The following BPHL variants were observed in gnomAD, a reference collection of about 807,000 sequenced individuals.
BPHL encodes serine hydrolase BPHL.
BPHL carries 27 observed loss-of-function variants against 31.2 expected under a neutral mutation model. The ratio of observed to expected loss-of-function variants is 0.87; its 90% CI spans 0.64 to 1.19. BPHL has a LOEUF of 1.19. Among genes scored for constraint, BPHL ranks in the 50% most tolerant of loss-of-function variants. The pLI is 0.00. For synonymous variants in BPHL, 150 were observed against 146.8 expected (o/e 1.02, Z -0.16); for missense variants, 356 against 375.7 (o/e 0.95, Z 0.43).
intron 1 of BPHL, among the ~76,000 whole-genome samples, chr6:3,120,081 C>T (rs988292131): frequency 2.0e-5 from 3 of 151,986 alleles, no homozygotes; most frequent in African/African-American, 7.3e-5. Context: ...TTTGCCCATG[C>T]TGGAGTGCAG....
rs867545712 is a variant in BPHL at position 3,145,297 on chromosome 6, G to A, written c.788+4788G>A. 5.0e-5 allele frequency among the ~76,000 whole-genome samples: 2 copies of A among 39,638 alleles called. 1 individual carries two copies. The allele number at this position is 39,638 out of a possible 152,430, so 26.0% of individuals were successfully genotyped here. A position where few individuals can be genotyped will look rare whatever the true frequency, so the allele number is the denominator to read the frequency against. On this transcript the variant is annotated intron_variant, in intron 6 of 6. Coordinates refer to ENST00000380379, the MANE Select transcript of BPHL (RefSeq NM_004332.4). ...GGTTGGAGTGCTGGTTCGGGTCCGAGTGCTGGTTCGGGGTGGAGTGCTGGT... is the reference window on the plus strand; with the variant it reads ...GGTTGGAGTGCTGGTTCGGGTCCGAATGCTGGTTCGGGGTGGAGTGCTGGT...
chr6:3,146,735 T>C (rs1196105308), intron 6 of BPHL, among the ~76,000 whole-genome samples: 1 of 142,860 alleles, frequency 7.0e-6, no homozygotes. Context: ...TGAGTGCTGG[T>C]TTGGGTCGGA....
intron 1 of BPHL, among the ~76,000 whole-genome samples, chr6:3,123,066 G>A (rs1240564781): frequency 6.6e-6 from 1 of 152,262 alleles, no homozygotes; most frequent in East Asian, 1.9e-4. Context: ...AGCCTCTGTG[G>A]CCATTGATTG....
chr6:3,137,436 G>T lies in BPHL; in HGVS notation c.607G>T (p.Ala203Ser). 1 of 1,613,170 alleles carries T rather than the reference G, an allele frequency of 6.2e-7. No homozygotes were observed. Among genetic ancestry groups the T allele is most frequent in the Non-Finnish European group, 8.5e-7 (1 of 1,179,894 alleles). Reference sequence around the variant, plus strand: ...AGCCCTCTATGGGTATGACTACTTTGCCAGAACCTGTGAAAAGTGGGTGGA... The same window carrying T: ...AGCCCTCTATGGGTATGACTACTTTTCCAGAACCTGTGAAAAGTGGGTGGA... The part of the protein sequence containing the change: ...LEALYGYDYF[A>S]RTCEKWVDGI... Residue 203 changes from alanine (A) to serine (S), a missense_variant, in exon 5 of 7, where the codon GCC becomes TCC. Ala to Ser is a moderately conservative substitution (Grantham distance 99). Coordinates refer to ENST00000380379, the MANE Select transcript of BPHL (RefSeq NM_004332.4).
chr6:3,134,671 C>T (rs574632722), intron 4 of BPHL, among the ~76,000 whole-genome samples: 5 of 148,698 alleles, frequency 3.4e-5, no homozygotes, highest in East Asian at 2.0e-4. Context: ...GGCGTGATCT[C>T]GGCTCACTGC....
At chr6:3,131,194 A>G (rs1347125439) in intron 4 of BPHL, among the ~76,000 whole-genome samples, 1 of 151,996 alleles carries the variant, frequency 6.6e-6, no homozygotes, top group Non-Finnish European at 1.5e-5. Flanking sequence ...CCCTGCTTCT[A>G]GGGATCCTCC....
chr6:3,143,869 C>T (rs1272034681), intron 6 of BPHL, among the ~76,000 whole-genome samples: 2 of 151,766 alleles, frequency 1.3e-5, no homozygotes, highest in Non-Finnish European at 3.0e-5. Flanking sequence ...GTTTCAGACT[C>T]GACTGCAAAC....
intron 4 of BPHL, among the ~76,000 whole-genome samples, chr6:3,130,988 C>T (rs182937147): frequency 1.3e-5 from 2 of 152,174 alleles, no homozygotes; most frequent in African/African-American, 4.8e-5. Flanking sequence ...TGTCCCCTCC[C>T]GCGGCCTCTA....
chr6:3,133,100 AG>A (rs1440895814), intron 4 of BPHL, among the ~76,000 whole-genome samples: 1 of 152,204 alleles, frequency 6.6e-6, no homozygotes, highest in Non-Finnish European at 1.5e-5. Context: ...CGTGAGCTAA[AG>A]TCTTTAACAA....
chr6:3,129,445 A>G (rs1224011105), intron 4 of BPHL, among the ~76,000 whole-genome samples: 1 of 152,202 alleles, frequency 6.6e-6, no homozygotes, highest in Non-Finnish European at 1.5e-5. Context: ...CACTATTTCT[A>G]TTTACTACTA....
chr6:3,152,586 T>A lies in BPHL; in HGVS notation c.*11T>A, dbSNP rs1464205103. 1.2e-6 allele frequency: 2 copies of A among 1,610,002 alleles called. No individual in the cohort carries two copies. On this transcript the variant is annotated 3_prime_UTR_variant, in exon 7 of 7. Transcript: ENST00000380379. ...GACTTCCTACAATGAGAATGCACAC[T>A]CCAGTCTTGGTGGTTCCTTCGTGTG... is the stretch of plus-strand genomic sequence containing the variant.
At chr6:3,135,623 G>A (rs1022619103) in intron 4 of BPHL, among the ~76,000 whole-genome samples, 23 of 152,204 alleles carry the variant, frequency 1.5e-4, no homozygotes, top group East Asian at 9.6e-4. Flanking sequence ...TGAGACGAGC[G>A]GACTTTTGTA....
intron 4 of BPHL, among the ~76,000 whole-genome samples, chr6:3,136,868 G>A (rs1762027859): frequency 6.6e-6 from 1 of 152,070 alleles, no homozygotes; most frequent in Admixed American, 6.5e-5. Flanking sequence ...ATATTTCTTC[G>A]GTAGCAGAAA....
chr6:3,140,365 C>A lies in BPHL; in HGVS notation c.665-21C>A. The A allele has an allele frequency of 6.2e-7, 1 of 1,613,890 alleles. No individual in the cohort carries two copies. The highest frequency in any genetic ancestry group is 1.3e-5 in the African/African-American group (1 of 74,994). ...AGAATGGTTGCACTAAAGCAGATTC[C>A]TCGTGCTGTGTATCCGTCAGGTAAC... On this transcript the variant is annotated intron_variant, in intron 5 of 6. Transcript: ENST00000380379. The surrounding 1 kb of genome is among the most constrained non-coding windows in gnomAD (Gnocchi z 5.2).
At chr6:3,147,751 G>A (rs1762422239) in intron 6 of BPHL, among the ~76,000 whole-genome samples, 1 of 152,216 alleles carries the variant, frequency 6.6e-6, no homozygotes, top group South Asian at 2.1e-4. Flanking sequence ...TGGCCAGCTG[G>A]AGACCCAGGA....
In BPHL at chr6:3,140,273, T is replaced by C. The variant is rs2113766775; in HGVS notation, c.665-113T>C. On this transcript the variant is annotated intron_variant, in intron 5 of 6. Coordinates refer to ENST00000380379, the MANE Select transcript of BPHL (RefSeq NM_004332.4). This position sits in a 1 kb window ranked among gnomAD's most constrained non-coding sequence, Gnocchi z 5.2. ...ACGGTCAAATCCAAAACACAGTTTT[T>C]ACGGATAGGGAAACTGAGGGCCAAG... 1 of 1,389,092 alleles carries C rather than the reference T, an allele frequency of 7.2e-7. No individual in the cohort carries two copies. The highest frequency in any genetic ancestry group is 2.1e-5 in the Admixed American group (1 of 48,482). 86.0% of individuals were successfully genotyped at this position (1,389,092 alleles called of 1,614,324 possible). A position where few individuals can be genotyped will look rare whatever the true frequency, so the allele number is the denominator to read the frequency against.
At chr6:3,147,522 C>T (rs1343170771) in intron 6 of BPHL, among the ~76,000 whole-genome samples, 1 of 152,090 alleles carries the variant, frequency 6.6e-6, no homozygotes, top group African/African-American at 2.4e-5. Flanking sequence ...CAGCCTCAAC[C>T]TCCTTACTTC....
rs541428793 is a variant in BPHL, at chr6:3,152,795, G to T, written c.*220G>T. 1.2e-5 allele frequency: 5 copies of T among 407,232 alleles called. No individual in the cohort carries two copies. Among genetic ancestry groups the T allele is most frequent in the African/African-American group, 8.3e-5 (4 of 48,274 alleles). 25.2% of individuals were successfully genotyped at this position (407,232 alleles called of 1,614,324 possible). A position where few individuals can be genotyped will look rare whatever the true frequency, so the allele number is the denominator to read the frequency against. ...TAATCTCAGCACTTTGGGAGGCTGA[G>T]GTGGGAGAATTGCCTGAGCCCAGGA... is the stretch of plus-strand genomic sequence containing the variant. On this transcript the variant is annotated 3_prime_UTR_variant, in exon 7 of 7. Transcript: ENST00000380379.
At chr6:3,135,556 C>G (rs886918123) in intron 4 of BPHL, among the ~76,000 whole-genome samples, 1 of 152,140 alleles carries the variant, frequency 6.6e-6, no homozygotes, top group East Asian at 1.9e-4. Flanking sequence ...TTCTGAAAAA[C>G]TCTCCCACCC....
Sources: gnomAD v4.1 joint callset for allele counts (sites outside exome capture counted in the v4.1 genomes callset) on GRCh38, gnomAD v4.1.1 for gene constraint, Gnocchi (gnomAD v3.1) non-coding constraint, MANE v1.5 for transcripts, NCBI Gene and HGNC (gene_info 2026-07-23, HGNC 2026-07-21) for gene names.